The following ACSM2A variants were observed in gnomAD, a reference collection of about 807,000 sequenced individuals.
ACSM2A encodes the protein acyl-coenzyme A synthetase ACSM2A, mitochondrial.
A neutral mutation model predicts 76.6 loss-of-function variants in ACSM2A; 72 were observed. The observed-to-expected ratio is 0.94, with a 90% CI of 0.78 to 1.14. The LOEUF is 1.14. Among genes scored for constraint, ACSM2A ranks in the 50% most tolerant of loss-of-function variants. The probability of loss-of-function intolerance (pLI) is 0.00; values close to 1 mark genes in which losing one functional copy is unlikely to be tolerated. For missense variants in ACSM2A, 684 were observed against 708.5 expected (o/e 0.97, Z 0.39); for synonymous variants, 249 against 255.9 (o/e 0.97, Z 0.26).
Position 20,471,634 on chromosome 16 carries a change from G to C in ACSM2A, c.839G>C (p.Gly280Ala), listed in dbSNP as rs772703568. The C allele has an allele frequency of 1.9e-6, 3 of 1,613,920 alleles. No homozygotes were observed. The African/African-American group carries it at 4.0e-5, about 22-fold the overall frequency. ...LCSLMEPWAL[G>A]ACTFVHLLPK... ...TCACTTATGGAACCTTGGGCATTAGGAGCATGCACATTTGTTCATCTCTTG... is the reference window on the plus strand; with the variant it reads ...TCACTTATGGAACCTTGGGCATTAGCAGCATGCACATTTGTTCATCTCTTG... The change falls in exon 6 of 14, where the codon GGA becomes GCA. Residue 280 changes from glycine to alanine, a missense_variant. This residue lies in a region of ACSM2A where 519 missense variants were observed against 549.5 expected (regional missense o/e 0.94). Coordinates refer to ENST00000573854, the MANE Select transcript of ACSM2A (RefSeq NM_001308172.2).
At chr16:20,467,545 A>T (rs577828213) in intron 3 of ACSM2A, among the ~76,000 whole-genome samples, 1 of 152,250 alleles carries the variant, frequency 6.6e-6, no homozygotes, top group South Asian at 2.1e-4. Context: ...AGATAAGTGG[A>T]TTTAACAGGC....
At chr16:20,457,230 A>G (rs1308892157) in intron 1 of ACSM2A, among the ~76,000 whole-genome samples, 2 of 152,006 alleles carry the variant, frequency 1.3e-5, no homozygotes, top group African/African-American at 2.4e-5. Flanking sequence ...GCTGAATTCT[A>G]CCAGACATTC....
chr16:20,466,433 C>T (rs1229779827), intron 3 of ACSM2A, among the ~76,000 whole-genome samples: 1 of 151,970 alleles, frequency 6.6e-6, no homozygotes, highest in African/African-American at 2.4e-5. Flanking sequence ...TTCTTCTTGT[C>T]CACTTCCCAG....
intron 13 of ACSM2A, among the ~76,000 whole-genome samples, chr16:20,483,678 C>G (rs562723002): frequency 6.8e-6 from 1 of 147,964 alleles, no homozygotes; most frequent in Admixed American, 6.8e-5. Flanking sequence ...TTTTGACTCA[C>G]TCTGAATTAA....
intron 10 of ACSM2A, among the ~76,000 whole-genome samples, 154 bp downstream of exon 10, chr16:20,478,831 G>T (rs1341921522): frequency 1.3e-5 from 2 of 152,200 alleles, no homozygotes; most frequent in African/African-American, 4.8e-5. Context: ...GCCAGTGGAA[G>T]AAAAGTGGCT....
chr16:20,471,337 C>T (rs2013381103), intron 5 of ACSM2A, 121 bp downstream of exon 5: 2 of 1,511,006 alleles, frequency 1.3e-6, no homozygotes, highest in South Asian at 1.3e-5. Context: ...CATTCATCTC[C>T]TGTTGATACA....
Position 20,483,083 on chromosome 16 carries a change from C to A in ACSM2A, c.1535C>A (p.Ala512Asp). 2 of 1,613,956 alleles carry A rather than the reference C, an allele frequency of 1.2e-6. No individual in the cohort carries two copies. The highest frequency in any genetic ancestry group is 1.7e-6 in the Non-Finnish European group (2 of 1,179,912). Reference protein sequence around the residue: ...GEVVKAFVVLASQFLSHDPEQ... With the variant: ...GEVVKAFVVLDSQFLSHDPEQ... Reference sequence around the variant, plus strand: ...GTGGTGAAGGCATTTGTGGTCCTGGCCTCGCAGTTCCTGTCCCATGACCCA... The same window carrying A: ...GTGGTGAAGGCATTTGTGGTCCTGGACTCGCAGTTCCTGTCCCATGACCCA... The change falls in exon 13 of 14, where the codon GCC becomes GAC. Residue 512 changes from alanine (A) to aspartate (D), a missense_variant. Physicochemically the swap from Ala to Asp is moderately radical, Grantham distance 126. Around this residue, in one of 3 missense-constraint regions of ACSM2A, gnomAD observed 159 missense variants for 132.5 expected, o/e 1.20. Coordinates refer to ENST00000573854, the MANE Select transcript of ACSM2A (RefSeq NM_001308172.2).
chr16:20,474,857 G>C (rs1410203723), intron 6 of ACSM2A, among the ~76,000 whole-genome samples: 1 of 152,182 alleles, frequency 6.6e-6, no homozygotes, highest in Non-Finnish European at 1.5e-5. Flanking sequence ...TGCAGCACTT[G>C]TTTTGAAATG....
Position 20,477,422 on chromosome 16 carries a change from A to C in ACSM2A, c.1152A>C (p.Gly384=). The change falls in exon 9 of 14, where the codon GGA becomes GGC. Residue 384 remains glycine (G), a synonymous_variant. Transcript: ENST00000573854. The part of the protein sequence containing the change: ...KTMKIKPGYM[G]TAASCYDVQI... ...TGAAAATCAAACCAGGATACATGGG[A>C]ACGGCTGCTTCCTGTTATGATGTAC... 6.2e-7 allele frequency: 1 copy of C among 1,609,938 alleles called. No homozygotes were observed. The highest frequency in any genetic ancestry group is 8.5e-7 in the Non-Finnish European group (1 of 1,177,636).
At chr16:20,484,957 C>T (rs1385206467) in intron 13 of ACSM2A, among the ~76,000 whole-genome samples, 1 of 152,138 alleles carries the variant, frequency 6.6e-6, no homozygotes, top group Non-Finnish European at 1.5e-5. Flanking sequence ...GAGAATGAGG[C>T]AGCATAGCAC....
At chr16:20,468,005 G>A (rs1159702050) in intron 3 of ACSM2A, among the ~76,000 whole-genome samples, 2 of 151,946 alleles carry the variant, frequency 1.3e-5, no homozygotes, top group Non-Finnish European at 2.9e-5. Flanking sequence ...AGAAAGCAAT[G>A]GGTAAAGAGA....
chr16:20,460,119 A>G lies in ACSM2A; in HGVS notation c.5A>G (p.His2Arg), dbSNP rs1298909360. Residue 2 changes from histidine to arginine, a missense_variant, in exon 2 of 14, where the codon CAT (histidine) becomes CGT (arginine). His to Arg is a conservative substitution (Grantham distance 29). This residue lies in a region of ACSM2A where 519 missense variants were observed against 549.5 expected (regional missense o/e 0.94). Coordinates refer to ENST00000573854, the MANE Select transcript of ACSM2A (RefSeq NM_001308172.2). ...CTTTCTTTTACAGGCCTGAATATGC[A>G]TTGGCTGCGAAAAGTTCAGGGACTT... M[H>R]WLRKVQGLCT... The G allele has an allele frequency of 1.2e-6, 2 of 1,610,850 alleles. No homozygotes were observed. The highest frequency in any genetic ancestry group is 1.7e-5 in the Admixed American group (1 of 59,772).
intron 13 of ACSM2A, among the ~76,000 whole-genome samples, chr16:20,483,626 C>T (rs1423157431): frequency 1.7e-5 from 2 of 114,362 alleles, no homozygotes; most frequent in Admixed American, 2.1e-4. Context: ...CAAGAAAGCC[C>T]AGAAAGACAA....
chr16:20,480,493 T>C, intron 10 of ACSM2A, 80 bp from the exon 11 acceptor site: 2 of 1,539,530 alleles, frequency 1.3e-6, no homozygotes, highest in East Asian at 2.2e-5. Context: ...ATAAGACTCA[T>C]AGCATTTGTT....
intron 6 of ACSM2A, among the ~76,000 whole-genome samples, chr16:20,473,322 T>C (rs570850374): frequency 6.6e-6 from 1 of 152,150 alleles, no homozygotes; most frequent in Non-Finnish European, 1.5e-5. Flanking sequence ...CTGGTTTTTA[T>C]TAAGTTCCAC....
At chr16:20,479,561 T>C (rs2013967020) in intron 10 of ACSM2A, among the ~76,000 whole-genome samples, 1 of 152,198 alleles carries the variant, frequency 6.6e-6, no homozygotes, top group Non-Finnish European at 1.5e-5. Flanking sequence ...GTGTGTTAAA[T>C]AAAAGAATTG....
intron 3 of ACSM2A, among the ~76,000 whole-genome samples, chr16:20,468,798 T>G (rs916681333): frequency 6.6e-6 from 1 of 152,356 alleles, no homozygotes; most frequent in South Asian, 2.1e-4. Context: ...TCTAATGTTT[T>G]AAGATAAATT....
chr16:20,468,603 A>G (rs1596655080), intron 3 of ACSM2A, among the ~76,000 whole-genome samples: 1 of 151,614 alleles, frequency 6.6e-6, no homozygotes, highest in African/African-American at 2.4e-5. Context: ...CTAATAATCC[A>G]CCCTCCTTGG....
At chr16:20,475,866 T>C (rs1269221106) in intron 8 of ACSM2A, 93 bp downstream of exon 8, 71 of 1,579,682 alleles carry the variant, frequency 4.5e-5, no homozygotes, top group Admixed American at 3.3e-4. Flanking sequence ...CATGTATCAT[T>C]CATCTATTCG....
Sources: gnomAD v4.1 joint callset for allele counts (sites outside exome capture counted in the v4.1 genomes callset) on GRCh38, gnomAD v4.1.1 for gene constraint, gnomAD v4.1.1 regional missense constraint, MANE v1.5 for transcripts, NCBI Gene and HGNC (gene_info 2026-07-23, HGNC 2026-07-21) for gene names.